IQGAP2: variants seen among roughly 807,000 people sequenced by gnomAD.
IQGAP2 encodes the protein ras GTPase-activating-like protein IQGAP2.
A neutral mutation model predicts 201.3 loss-of-function variants in IQGAP2; 173 were observed. The observed-to-expected ratio is 0.86, with a 90% CI of 0.76 to 0.98. The LOEUF (loss-of-function observed/expected upper bound fraction) is 0.98. IQGAP2 is among the 50% of genes least tolerant of loss of function. IQGAP2 has a pLI of 0.00. For synonymous variants in IQGAP2, 675 were observed against 673.9 expected (o/e 1.00, Z -0.03); for missense variants, 1,687 against 1,864.8 (o/e 0.90, Z 1.76).
At chr5:76,489,702 C>T (rs1202238369) in intron 2 of IQGAP2, among the ~76,000 whole-genome samples, 2 of 152,164 alleles carry the variant, frequency 1.3e-5, no homozygotes, top group African/African-American at 4.8e-5. Flanking sequence ...CCTGACCTCA[C>T]GTGATCCATC....
intron 2 of IQGAP2, among the ~76,000 whole-genome samples, chr5:76,560,722 A>G (rs76387614): frequency 7.0e-4 from 107 of 152,256 alleles, no homozygotes; most frequent in African/African-American, 2.3e-3. Flanking sequence ...GCTTTTCCTT[A>G]GAATTGTGTT....
intron 3 of IQGAP2, 106 bp downstream of exon 3, chr5:76,562,658 G>T: frequency 7.9e-6 from 8 of 1,018,254 alleles, no homozygotes; most frequent in African/African-American, 1.6e-5. Context: ...GATTTGGGGG[G>T]CTGGGGGATG....
At chr5:76,659,129 G>A (rs1020726278) in intron 21 of IQGAP2, among the ~76,000 whole-genome samples, 4 of 151,986 alleles carry the variant, frequency 2.6e-5, no homozygotes, top group Non-Finnish European at 5.9e-5. Context: ...AGTTTTTATC[G>A]TTTTTATTAT....
In IQGAP2 at chr5:76,526,894, C is replaced by A. The variant is rs150253131; in HGVS notation, c.147-35502C>A. 3.5e-3 allele frequency among the ~76,000 whole-genome samples: 527 copies of A among 152,282 alleles called. 2 individuals carry two copies. The highest frequency in any genetic ancestry group is 0.014 in the South Asian group (67 of 4,824). On this transcript the variant is annotated intron_variant, in intron 2 of 35. Transcript: ENST00000274364. ...CTGGATATTTTATTAAGCACATGTA[C>A]CTATAGGCCATAAGGATGTGTTCTT...
chr5:76,503,413 G>A lies in IQGAP2; in HGVS notation c.146+41744G>A, dbSNP rs531459491. ...TGGTCACAAACTCCTGACTTCAGGC[G>A]ATCCACCTGCCTCAGTGTCCTAAAG... is the stretch of plus-strand genomic sequence containing the variant. On this transcript the variant is annotated intron_variant, in intron 2 of 35. Coordinates refer to ENST00000274364, the MANE Select transcript of IQGAP2 (RefSeq NM_006633.5). 2.2e-4 allele frequency among the ~76,000 whole-genome samples: 34 copies of A among 151,794 alleles called. 1 individual carries two copies. The South Asian group carries it at 6.5e-3, about 29-fold the overall frequency.
chr5:76,460,456 G>C (rs116343335), intron 1 of IQGAP2, among the ~76,000 whole-genome samples: 2,153 of 152,210 alleles, frequency 0.014, 50 homozygotes, highest in African/African-American at 0.05. Flanking sequence ...GCCATCAAAA[G>C]TTTTGAGAGG....
Position 76,623,111 on chromosome 5 carries a change from C to CTT in IQGAP2, c.1522-4298_1522-4297dup, listed in dbSNP as rs1424031247. On this transcript the variant is annotated intron_variant, in intron 13 of 35. Transcript: ENST00000274364. The stretch of plus-strand genomic sequence containing the variant: ...CAAAGAAACCTAGGTTCAGTTGACT[C>CTT]TTAATTTGTAACAGAAACCCACATC... 3 of 1,554,360 alleles carry CTT rather than the reference C, an allele frequency of 1.9e-6. No individual in the cohort carries two copies. The African/African-American group carries it at 4.1e-5, about 21-fold the overall frequency.
intron 14 of IQGAP2, chr5:76,628,815 CA>C (rs1750464664): frequency 2.3e-6 from 1 of 425,710 alleles, no homozygotes; most frequent in Non-Finnish European, 4.6e-6. Flanking sequence ...TCCTTTCTAG[CA>C]CGCCTTAAGA....
chr5:76,553,890 C>G (rs962839648), intron 2 of IQGAP2, among the ~76,000 whole-genome samples: 1 of 152,158 alleles, frequency 6.6e-6, no homozygotes, highest in African/African-American at 2.4e-5. Context: ...GGGGAATATT[C>G]TGGTTTTCGT....
chr5:76,425,069 G>C (rs1363750376), intron 1 of IQGAP2, among the ~76,000 whole-genome samples: 2 of 152,212 alleles, frequency 1.3e-5, no homozygotes, highest in Admixed American at 1.3e-4. Flanking sequence ...TTCACAGTCA[G>C]ACCTTTCCTG....
At chr5:76,517,604 CAAA>C (rs36102224) in intron 2 of IQGAP2, among the ~76,000 whole-genome samples, 397 of 83,280 alleles carry the variant, frequency 4.8e-3, no homozygotes, top group African/African-American at 0.015. Flanking sequence ...GACCCTGTTT[CAAA>C]AAAAAAAAAA....
chr5:76,429,503 C>T (rs1207674558), intron 1 of IQGAP2, among the ~76,000 whole-genome samples: 2 of 150,078 alleles, frequency 1.3e-5, no homozygotes, highest in African/African-American at 2.5e-5. Flanking sequence ...ACCCGGGAGG[C>T]GGAGCTTGCA....
At chr5:76,418,923 C>A (rs546099073) in intron 1 of IQGAP2, among the ~76,000 whole-genome samples, 1 of 152,128 alleles carries the variant, frequency 6.6e-6, no homozygotes, top group South Asian at 2.1e-4. Context: ...GTTGATTACA[C>A]GTCCTTGACT....
Position 76,534,732 on chromosome 5 carries a change from T to C in IQGAP2, c.147-27664T>C, listed in dbSNP as rs146469621. 4.5e-3 allele frequency among the ~76,000 whole-genome samples: 688 copies of C among 152,350 alleles called. 4 individuals carry two copies. Among genetic ancestry groups the C allele is most frequent in the African/African-American group, 0.015 (630 of 41,580 alleles). ...TTGAAAAACTTTAAAACTGACCTTC[T>C]CTACATCTCCCCATTATTGTCCTAC... On this transcript the variant is annotated intron_variant, in intron 2 of 35. Coordinates refer to ENST00000274364, the MANE Select transcript of IQGAP2 (RefSeq NM_006633.5).
rs531819173 is a variant in IQGAP2, at chr5:76,613,020, A to C, written c.1521+1837A>C. ...TATCCCCCATGGTGGCGCCCTCTGC[A>C]CTGCCAGCCTTCCAACAGGAACGGC... On this transcript the variant is annotated intron_variant, in intron 13 of 35. Coordinates refer to ENST00000274364, the MANE Select transcript of IQGAP2 (RefSeq NM_006633.5). 5.9e-5 allele frequency among the ~76,000 whole-genome samples: 9 copies of C among 152,292 alleles called. No individual in the cohort carries two copies. The East Asian group carries it at 1.7e-3, about 29-fold the overall frequency.
chr5:76,544,716 G>T (rs796656272), intron 2 of IQGAP2, among the ~76,000 whole-genome samples: 8 of 152,176 alleles, frequency 5.3e-5, no homozygotes, highest in African/African-American at 1.9e-4. Flanking sequence ...TATACACGTG[G>T]TGCAAAATGT....
chr5:76,619,151 A>G (rs1749336372), intron 13 of IQGAP2, among the ~76,000 whole-genome samples: 1 of 152,226 alleles, frequency 6.6e-6, no homozygotes. Context: ...TTTTTATTGT[A>G]CATTGATGTG....
At chr5:76,602,276 A>G (rs1463070519) in intron 11 of IQGAP2, among the ~76,000 whole-genome samples, 2 of 152,192 alleles carry the variant, frequency 1.3e-5, no homozygotes, top group South Asian at 4.1e-4. Flanking sequence ...TCTCAGTGCT[A>G]GAGTAGAAGA....
intron 2 of IQGAP2, among the ~76,000 whole-genome samples, chr5:76,468,672 T>C (rs1231779936): frequency 1.3e-5 from 2 of 152,242 alleles, no homozygotes; most frequent in Non-Finnish European, 2.9e-5. Context: ...CAAACTCCTT[T>C]ACTTGGCCTC....
Sources: gnomAD v4.1 joint callset for allele counts (sites outside exome capture counted in the v4.1 genomes callset) on GRCh38, gnomAD v4.1.1 for gene constraint, MANE v1.5 for transcripts, NCBI Gene and HGNC (gene_info 2026-07-23, HGNC 2026-07-21) for gene names.